PPM1H: variants seen among roughly 807,000 people sequenced by gnomAD.
The protein encoded by PPM1H is protein phosphatase, Mg2+/Mn2+ dependent 1H.
Under a neutral mutation model 54.9 loss-of-function variants are expected in PPM1H, and 27 were observed. That is an observed-to-expected ratio of 0.49 (90% CI 0.36 to 0.68). The LOEUF is 0.68. PPM1H is among the 30% of genes least tolerant of loss of function. The probability of loss-of-function intolerance (pLI) is 0.00; values close to 1 mark genes in which losing one functional copy is unlikely to be tolerated. For synonymous variants in PPM1H, 305 were observed against 270.8 expected (o/e 1.13, Z -1.24); for missense variants, 596 against 667.8 (o/e 0.89, Z 1.19).
intron 2 of PPM1H, among the ~76,000 whole-genome samples, chr12:62,816,435 C>T (rs191865216): frequency 6.6e-6 from 1 of 152,322 alleles, no homozygotes; most frequent in Admixed American, 6.5e-5. Context: ...AGGCACACTA[C>T]ATTTGGTTTA....
At chr12:62,694,030 GTT>G (rs1168964092) in intron 6 of PPM1H, 31 bp from the exon 7 acceptor site, 1 of 1,590,144 alleles carries the variant, frequency 6.3e-7, no homozygotes, top group African/African-American at 1.3e-5. Context: ...TTTAAAAAAG[GTT>G]TGCACTCAAT....
At position 62,801,919 on chromosome 12, in the gene PPM1H, G is replaced by T; in HGVS notation, c.653C>A (p.Ala218Asp). The T allele has an allele frequency of 1.2e-6, 2 of 1,613,312 alleles. No individual in the cohort carries two copies. The highest frequency in any genetic ancestry group is 1.7e-6 in the Non-Finnish European group (2 of 1,179,620). Residue 218 changes from alanine (A) to aspartate (D), a missense_variant, in exon 3 of 10, where the codon GCC becomes GAC. Transcript: ENST00000228705. ...RAASLRGGVG[A>D]PGSPSTPPTR... ...GGGGGGCGTGCTGGGGGAGCCCGGG[G>T]CCCCCACCCCTCCGCGCAGGGAGGC...
At chr12:62,745,216 A>G (rs1053845199) in intron 4 of PPM1H, among the ~76,000 whole-genome samples, 1 of 151,900 alleles carries the variant, frequency 6.6e-6, no homozygotes, top group African/African-American at 2.4e-5. Context: ...ATTATTTTTA[A>G]TTTTTTAAAT....
At chr12:62,800,405 CA>C (rs1487711051) in intron 3 of PPM1H, among the ~76,000 whole-genome samples, 5 of 151,854 alleles carry the variant, frequency 3.3e-5, no homozygotes, top group African/African-American at 1.2e-4. Flanking sequence ...GGCATGATCT[CA>C]GCTCACTGCA....
At chr12:62,800,523 G>A (rs999025605) in intron 3 of PPM1H, among the ~76,000 whole-genome samples, 7 of 151,994 alleles carry the variant, frequency 4.6e-5, no homozygotes, top group East Asian at 1.9e-4. Context: ...ATTTTTGGTA[G>A]AGACGGGGTT....
chr12:62,702,472 C>T (rs2120384104), intron 6 of PPM1H, among the ~76,000 whole-genome samples: 1 of 151,924 alleles, frequency 6.6e-6, no homozygotes, highest in South Asian at 2.1e-4. Flanking sequence ...ACCTAGAGTT[C>T]ACACTTTGGC....
chr12:62,663,472 C>T (rs1027006998), intron 9 of PPM1H, among the ~76,000 whole-genome samples: 1 of 152,080 alleles, frequency 6.6e-6, no homozygotes, highest in Admixed American at 6.5e-5. Flanking sequence ...TAGGCATGAC[C>T]CACCATGCCA....
chr12:62,720,223 T>C lies in PPM1H; in HGVS notation c.1021A>G (p.Arg341Gly). 6.2e-7 allele frequency: 1 copy of C among 1,613,832 alleles called. No homozygotes were observed. Among genetic ancestry groups the C allele is most frequent in the Non-Finnish European group, 8.5e-7 (1 of 1,179,704 alleles). The part of the protein sequence containing the change: ...THLEFPRRVQ[R>G]KELGKKMLYR... ...AGCATCTTCTTTCCAAGCTCCTTTC[T>C]CTGTACTCTCCTTGGAAACTCCAAA... is the stretch of plus-strand genomic sequence containing the variant. The change falls in exon 6 of 10, where the codon AGA (arginine) becomes GGA (glycine). Residue 341 changes from arginine to glycine, a missense_variant. By Grantham distance (125) the Arg-to-Gly change is moderately radical. Around this residue, in one of 3 missense-constraint regions of PPM1H, gnomAD observed 208 missense variants for 259.5 expected, o/e 0.80. Coordinates refer to ENST00000228705, the MANE Select transcript of PPM1H (RefSeq NM_020700.2).
intron 6 of PPM1H, among the ~76,000 whole-genome samples, chr12:62,718,839 C>T (rs1430087808): frequency 6.6e-6 from 1 of 152,166 alleles, no homozygotes; most frequent in African/African-American, 2.4e-5. Flanking sequence ...ATCAAAACTC[C>T]AGAACTCAGA....
At chr12:62,702,996 G>T (rs2076152578) in intron 6 of PPM1H, among the ~76,000 whole-genome samples, 1 of 152,212 alleles carries the variant, frequency 6.6e-6, no homozygotes, top group African/African-American at 2.4e-5. Flanking sequence ...ACACTTCATA[G>T]GATGGTTGCA....
chr12:62,820,380 T>C (rs774200814), intron 2 of PPM1H, among the ~76,000 whole-genome samples: 57 of 152,282 alleles, frequency 3.7e-4, no homozygotes, highest in Admixed American at 1.8e-3. Context: ...TCCCTGTCTA[T>C]GAAGAGAGTA....
At chr12:62,755,926 C>T (rs1197329763) in intron 4 of PPM1H, 3 of 809,126 alleles carry the variant, frequency 3.7e-6, no homozygotes, top group Admixed American at 1.9e-5. Flanking sequence ...GCATGGCCTT[C>T]TGTGTCCCTA....
intron 1 of PPM1H, among the ~76,000 whole-genome samples, chr12:62,850,148 G>A (rs1254088581): frequency 6.6e-6 from 1 of 151,696 alleles, no homozygotes; most frequent in Non-Finnish European, 1.5e-5. Flanking sequence ...TATACTTTTT[G>A]TAGATACAGG....
chr12:62,887,348 A>AG (rs1288875323), intron 1 of PPM1H, among the ~76,000 whole-genome samples: 1 of 152,252 alleles, frequency 6.6e-6, no homozygotes, highest in Non-Finnish European at 1.5e-5. Flanking sequence ...ACTTTGGAAT[A>AG]CAAAGATATC....
chr12:62,658,786 A>G (rs1210901614), intron 9 of PPM1H: 1 of 448,268 alleles, frequency 2.2e-6, no homozygotes, highest in African/African-American at 2.0e-5. Context: ...TAGAAAAGAA[A>G]GAAAGAAAGA....
At position 62,901,527 on chromosome 12, in the gene PPM1H, T is replaced by C. The variant is rs115794687; in HGVS notation, c.245+32965A>G. Among the ~76,000 whole-genome samples, 1,160 of 152,334 alleles carry C rather than the reference T, an allele frequency of 7.6e-3. 15 individuals carry two copies. Among genetic ancestry groups the C allele is most frequent in the African/African-American group, 0.026 (1,099 of 41,576 alleles). On this transcript the variant is annotated intron_variant, in intron 1 of 9. Coordinates refer to ENST00000228705, the MANE Select transcript of PPM1H (RefSeq NM_020700.2). ...TTGTGCTGAGGGGGACTGTCAATAG[T>C]ACTTGTTCTAAAATTATATACGTCT... is the stretch of plus-strand genomic sequence containing the variant.
intron 4 of PPM1H, among the ~76,000 whole-genome samples, chr12:62,773,433 C>T (rs1259828708): frequency 6.6e-6 from 1 of 152,118 alleles, no homozygotes; most frequent in Non-Finnish European, 1.5e-5. Flanking sequence ...CATGATTACA[C>T]CAGTACACTC....
At chr12:62,758,319 T>A (rs1372782812) in intron 4 of PPM1H, among the ~76,000 whole-genome samples, 3 of 152,214 alleles carry the variant, frequency 2.0e-5, no homozygotes, top group Non-Finnish European at 4.4e-5. Context: ...AAAGTTCACA[T>A]GAACCTCACA....
At chr12:62,688,637 A>T (rs531590784) in intron 8 of PPM1H, among the ~76,000 whole-genome samples, 32 of 152,270 alleles carry the variant, frequency 2.1e-4, no homozygotes, top group East Asian at 1.4e-3. Flanking sequence ...ACTTCTCTAA[A>T]CATCAGCTGA....
Sources: allele counts gnomAD v4.1 joint callset (sites outside exome capture counted in the v4.1 genomes callset), GRCh38; gene constraint gnomAD v4.1.1; regional missense constraint gnomAD v4.1.1; transcripts MANE v1.5; gene names NCBI Gene and HGNC (gene_info 2026-07-23, HGNC 2026-07-21).